Variants in PSD2 observed in about 807,000 individuals in gnomAD.
PSD2 encodes the protein PH and SEC7 domain-containing protein 2.
A neutral mutation model predicts 69.8 loss-of-function variants in PSD2; 38 were observed. The observed-to-expected ratio is 0.54, with a 90% CI of 0.42 to 0.71. The LOEUF is 0.71. Among genes scored for constraint, PSD2 ranks in the 30% least tolerant of loss-of-function variants. PSD2 has a pLI of 0.00. For synonymous variants in PSD2, 412 were observed against 423.0 expected, an observed-to-expected ratio of 0.97 and a Z score of 0.32; for missense variants, 943 against 1,014.5, an observed-to-expected ratio of 0.93 and a Z score of 0.96.
At chr5:139,748,563 C>T in the PSD2 span, among the ~76,000 whole-genome samples, 9 of 152,388 alleles carry the variant, frequency 5.9e-5, no homozygotes, top group East Asian at 1.7e-3. Flanking sequence ...CCAAACTCCC[C>T]TCCCCCGGGC....
In PSD2 at chr5:139,841,440, A is replaced by G. The variant is rs558554661; in HGVS notation, c.2113-831A>G. ...ATCAATGAACACTTGGCTTACTTCC[A>G]TCTTTTGGCTATTATGAAAAATGCT... On this transcript the variant is annotated intron_variant, in intron 14 of 14. Transcript: ENST00000274710. Among the ~76,000 whole-genome samples the G allele has an allele frequency of 2.4e-4, 37 of 152,352 alleles. No homozygotes were observed. In the Middle Eastern group the frequency reaches 0.01, roughly 42 times the overall value.
At chr5:139,757,848 T>A in the PSD2 span, among the ~76,000 whole-genome samples, 1 of 151,780 alleles carries the variant, frequency 6.6e-6, no homozygotes, top group African/African-American at 2.4e-5. Context: ...AATGGAGGAG[T>A]ACAGGTCCCT....
At chr5:139,833,642 G>A (rs1173248655) in intron 7 of PSD2, 60 bp from the exon 8 acceptor site, 1 of 1,203,442 alleles carries the variant, frequency 8.3e-7, no homozygotes. Flanking sequence ...AGGGCAGGGT[G>A]TGTGGGGAAC....
chr5:139,797,156 T>C (rs1325552591), intron 1 of PSD2, among the ~76,000 whole-genome samples: 3 of 152,178 alleles, frequency 2.0e-5, no homozygotes, highest in African/African-American at 7.2e-5. Flanking sequence ...AAGCTACAAG[T>C]TCTGGGGCCT....
intron 7 of PSD2, among the ~76,000 whole-genome samples, chr5:139,830,626 CTCTT>C (rs56225945): frequency 0.016 from 1,567 of 97,670 alleles, 28 homozygotes; most frequent in East Asian, 0.051. Context: ...TTCTTTCTTT[CTCTT>C]TCTTTCTTTC....
chr5:139,790,079 G>A, the PSD2 span, among the ~76,000 whole-genome samples: 8 of 152,194 alleles, frequency 5.3e-5, no homozygotes, highest in Admixed American at 3.3e-4. Context: ...TGAGGTCAGA[G>A]GAGTGGTGGG....
At position 139,822,716 on chromosome 5, in the gene PSD2, T is replaced by G; in HGVS notation, c.1211-10T>G. 6.2e-7 allele frequency: 1 copy of G among 1,607,850 alleles called. No individual in the cohort carries two copies. Among genetic ancestry groups the G allele is most frequent in the Non-Finnish European group, 8.5e-7 (1 of 1,176,906 alleles). ...TCCTCGCACTGAGAGTGCCACCATC[T>G]CTGACTCAGATGGGATCCACACGCT... is the stretch of plus-strand genomic sequence containing the variant. On this transcript the variant is annotated splice_polypyrimidine_tract_variant and intron_variant, in intron 6 of 14. Transcript: ENST00000274710.
the PSD2 span, among the ~76,000 whole-genome samples, chr5:139,766,758 G>A: frequency 6.6e-6 from 1 of 152,214 alleles, no homozygotes; most frequent in Non-Finnish European, 1.5e-5. Flanking sequence ...GAATAGAGGG[G>A]TAGGCATCAG....
At chr5:139,840,844 G>A (rs931802828) in intron 14 of PSD2, among the ~76,000 whole-genome samples, 15 of 152,170 alleles carry the variant, frequency 9.9e-5, no homozygotes, top group South Asian at 4.2e-4. Flanking sequence ...GAGCCACCAC[G>A]CCCGGCCTCA....
upstream of PSD2, among the ~76,000 whole-genome samples, chr5:139,790,986 G>A (rs1346216864): frequency 6.6e-6 from 1 of 152,086 alleles, no homozygotes; most frequent in East Asian, 1.9e-4. Context: ...AGGAGGTGGG[G>A]GGTGCAGTGA....
chr5:139,838,201 T>A lies in PSD2; in HGVS notation c.1823+419T>A, dbSNP rs895369054. Reference sequence around the variant, plus strand: ...CTGTGACTTGAGATTGGGGTGCACATGTCACATGAGCTTGCAAGGAGGCAG... The same window carrying A: ...CTGTGACTTGAGATTGGGGTGCACAAGTCACATGAGCTTGCAAGGAGGCAG... On this transcript the variant is annotated intron_variant, in intron 12 of 14. Transcript: ENST00000274710. 2.6e-5 allele frequency among the ~76,000 whole-genome samples: 4 copies of A among 152,204 alleles called. No homozygotes were observed. In the South Asian group the frequency reaches 8.3e-4, roughly 32 times the overall value.
chr5:139,822,970 C>T (rs1470353292), intron 7 of PSD2, among the ~76,000 whole-genome samples, 186 bp downstream of exon 7: 3 of 152,154 alleles, frequency 2.0e-5, no homozygotes, highest in Non-Finnish European at 4.4e-5. Context: ...CCACCTGAGT[C>T]CCCACCCCCA....
chr5:139,801,407 G>T (rs1759672123), intron 1 of PSD2, among the ~76,000 whole-genome samples: 3 of 152,114 alleles, frequency 2.0e-5, no homozygotes, highest in South Asian at 4.1e-4. Flanking sequence ...CTTATTGGCA[G>T]CATTTGACAC....
intron 1 of PSD2, among the ~76,000 whole-genome samples, chr5:139,803,958 C>A (rs768041620): frequency 6.6e-6 from 1 of 152,100 alleles, no homozygotes; most frequent in East Asian, 1.9e-4. Context: ...GGCTTCCTGG[C>A]AGCACCCTAC....
At chr5:139,758,574 C>T in the PSD2 span, among the ~76,000 whole-genome samples, 14 of 152,118 alleles carry the variant, frequency 9.2e-5, no homozygotes, top group Non-Finnish European at 1.5e-4. Context: ...TGGGCACAAA[C>T]CATCCTCCCT....
intron 7 of PSD2, among the ~76,000 whole-genome samples, 159 bp downstream of exon 7, chr5:139,822,943 T>C (rs548353950): frequency 1.3e-5 from 2 of 152,174 alleles, no homozygotes; most frequent in Admixed American, 6.5e-5. Flanking sequence ...CCCGCCCTAG[T>C]TTCATCCACC....
chr5:139,838,734 C>T lies in PSD2; in HGVS notation c.1930C>T (p.Arg644Trp), dbSNP rs764323415. 22 of 1,613,626 alleles carry T rather than the reference C, an allele frequency of 1.4e-5. No homozygotes were observed. In the Admixed American group the frequency reaches 2.3e-4, roughly 17 times the overall value. ...TGTCAGCTCCATGAAGAAGTTCTGT[C>T]GGCCCCTGCTGCCCTCCTGCACCAC... ...AAVSSMKKFC[R>W]PLLPSCTTRL... The change falls in exon 13 of 15, where the codon CGG becomes TGG. Residue 644 changes from arginine to tryptophan, a missense_variant. Around this residue, in one of 3 missense-constraint regions of PSD2, gnomAD observed 165 missense variants for 168.8 expected, o/e 0.98. Coordinates refer to ENST00000274710, the MANE Select transcript of PSD2 (RefSeq NM_032289.4).
chr5:139,771,670 GC>G, the PSD2 span, among the ~76,000 whole-genome samples: 1 of 152,146 alleles, frequency 6.6e-6, no homozygotes, highest in African/African-American at 2.4e-5. Context: ...GAGCCACCGC[GC>G]CCCGCAGCCT....
chr5:139,811,843 T>A (rs1759973118), intron 2 of PSD2, among the ~76,000 whole-genome samples: 1 of 152,178 alleles, frequency 6.6e-6, no homozygotes, highest in Non-Finnish European at 1.5e-5. Context: ...TCCACCTGTC[T>A]CGGCCTCCCA....
Sources: allele counts gnomAD v4.1 joint callset (sites outside exome capture counted in the v4.1 genomes callset), GRCh38; gene constraint gnomAD v4.1.1; regional missense constraint gnomAD v4.1.1; transcripts MANE v1.5; gene names NCBI Gene and HGNC (gene_info 2026-07-23, HGNC 2026-07-21).